The following GRID2 variants were observed in gnomAD, a reference collection of about 807,000 sequenced individuals.
The protein encoded by GRID2 is glutamate receptor ionotropic, delta-2.
GRID2 carries 33 observed loss-of-function variants against 114.8 expected under a neutral mutation model. The observed-to-expected ratio is 0.29, with a 90% CI of 0.22 to 0.38. GRID2 has a LOEUF of 0.38. Ranked by LOEUF, GRID2 falls within the 10% of genes least tolerant of loss-of-function variation. The pLI, the probability that GRID2 is intolerant of heterozygous loss-of-function variation, is 1.00. For missense variants in GRID2, 1,184 were observed against 1,257.7 expected (o/e 0.94, Z 0.89); for synonymous variants, 505 against 449.9 (o/e 1.12, Z -1.55).
intron 1 of GRID2, among the ~76,000 whole-genome samples, chr4:92,305,728 G>A (rs1725366604): frequency 6.6e-6 from 1 of 152,214 alleles, no homozygotes; most frequent in South Asian, 2.1e-4. Flanking sequence ...TCATTATCAT[G>A]CACAGCGCTC....
intron 11 of GRID2, among the ~76,000 whole-genome samples, chr4:93,484,813 A>C (rs1461809878): frequency 1.3e-5 from 2 of 151,900 alleles, no homozygotes; most frequent in Non-Finnish European, 2.9e-5. Context: ...GCCAAACTTA[A>C]AATATGTAAG....
At chr4:93,672,630 G>A (rs1724528895) in intron 14 of GRID2, among the ~76,000 whole-genome samples, 1 of 151,988 alleles carries the variant, frequency 6.6e-6, no homozygotes, top group African/African-American at 2.4e-5. Context: ...TCTAATTTTA[G>A]GACTAATTGT....
At chr4:93,085,547 A>G (rs1578946109) in intron 3 of GRID2, among the ~76,000 whole-genome samples, 1 of 152,184 alleles carries the variant, frequency 6.6e-6, no homozygotes. Flanking sequence ...TCTGATTCCA[A>G]TACATCTTGA....
intron 10 of GRID2, among the ~76,000 whole-genome samples, chr4:93,432,337 G>C (rs1221227893): frequency 6.6e-6 from 1 of 152,178 alleles, no homozygotes; most frequent in Non-Finnish European, 1.5e-5. Context: ...GGAATTAAAT[G>C]AGATGAAAGA....
chr4:92,485,344 ATATAGT>A (rs1386009157), intron 1 of GRID2, among the ~76,000 whole-genome samples: 869 of 59,626 alleles, frequency 0.015, 1 homozygote, highest in Non-Finnish European at 0.019. Flanking sequence ...ATATATATAT[ATATAGT>A]GTGTGTGTGT....
chr4:92,721,792 T>C (rs114097880), intron 2 of GRID2, among the ~76,000 whole-genome samples: 3 of 152,272 alleles, frequency 2.0e-5, no homozygotes, highest in Non-Finnish European at 4.4e-5. Context: ...AAGTTAAGCT[T>C]TAACATCAAG....
Position 92,880,819 on chromosome 4 carries a change from T to G in GRID2, c.245-204176T>G, listed in dbSNP as rs544041464. ...TGGCTACAACCTCTGCCTCCCGGGT[T>G]CAAGTGATTCTACTGCCTCAGCCTC... On this transcript the variant is annotated intron_variant, in intron 2 of 15. Coordinates refer to ENST00000282020, the MANE Select transcript of GRID2 (RefSeq NM_001510.4). Among the ~76,000 whole-genome samples the G allele has an allele frequency of 3.9e-5, 6 of 152,218 alleles. No homozygotes were observed. In the East Asian group the frequency reaches 7.7e-4, roughly 20 times the overall value.
chr4:93,225,869 C>G (rs1173187255), intron 7 of GRID2, among the ~76,000 whole-genome samples: 5 of 152,090 alleles, frequency 3.3e-5, no homozygotes, highest in Non-Finnish European at 7.4e-5. Context: ...AAGTCCAAGA[C>G]CATGGCACCC....
chr4:92,415,587 G>A (rs1731555237), intron 1 of GRID2, among the ~76,000 whole-genome samples: 1 of 151,194 alleles, frequency 6.6e-6, no homozygotes, highest in African/African-American at 2.4e-5. Context: ...CCATTTCTGA[G>A]TTACTTCACT....
At chr4:93,290,272 T>G (rs1422868813) in intron 8 of GRID2, among the ~76,000 whole-genome samples, 1 of 152,208 alleles carries the variant, frequency 6.6e-6, no homozygotes, top group Non-Finnish European at 1.5e-5. Flanking sequence ...TGATTGCTTA[T>G]GAGTGCGTGT....
chr4:92,342,569 C>T (rs996598149), intron 1 of GRID2, among the ~76,000 whole-genome samples: 5 of 152,186 alleles, frequency 3.3e-5, no homozygotes, highest in African/African-American at 9.6e-5. Flanking sequence ...ATAACCTATA[C>T]ATATCAATAG....
intron 2 of GRID2, among the ~76,000 whole-genome samples, chr4:92,655,628 T>C (rs1411485089): frequency 6.6e-6 from 1 of 151,924 alleles, no homozygotes; most frequent in Non-Finnish European, 1.5e-5. Flanking sequence ...TTCTTTTTTT[T>C]TGTAGCCACT....
chr4:93,677,671 G>C (rs1326537471), intron 14 of GRID2, among the ~76,000 whole-genome samples: 1 of 152,072 alleles, frequency 6.6e-6, no homozygotes, highest in Admixed American at 6.5e-5. Context: ...AGGCAAACAG[G>C]GTCTGGAGTG....
At chr4:93,570,556 T>TG (rs1433116240) in intron 13 of GRID2, among the ~76,000 whole-genome samples, 1 of 152,184 alleles carries the variant, frequency 6.6e-6, no homozygotes, top group Non-Finnish European at 1.5e-5. Context: ...GATTCTGCTA[T>TG]GGGTAATGAG....
At chr4:92,479,314 A>G (rs944856249) in intron 1 of GRID2, among the ~76,000 whole-genome samples, 5 of 152,276 alleles carry the variant, frequency 3.3e-5, no homozygotes, top group African/African-American at 1.2e-4. Flanking sequence ...GATTTAGTGT[A>G]CTACAAATGG....
intron 6 of GRID2, 185 bp downstream of exon 6, chr4:93,217,096 A>AT: frequency 2.4e-6 from 1 of 420,662 alleles, no homozygotes; most frequent in East Asian, 3.4e-5. Flanking sequence ...TTTTGATCTC[A>AT]TTATAGAAAA....
chr4:93,591,767 T>C (rs1158900377), intron 13 of GRID2, among the ~76,000 whole-genome samples: 2 of 152,242 alleles, frequency 1.3e-5, no homozygotes, highest in South Asian at 2.1e-4. Flanking sequence ...ATTCAACTTC[T>C]TCCTGGCTTA....
At chr4:93,711,820 A>G (rs1414634253) in intron 14 of GRID2, among the ~76,000 whole-genome samples, 1 of 152,162 alleles carries the variant, frequency 6.6e-6, no homozygotes, top group Non-Finnish European at 1.5e-5. Flanking sequence ...TACCCTCCTC[A>G]GTGCCTCTTT....
chr4:93,690,291 C>A (rs1434597232), intron 14 of GRID2, among the ~76,000 whole-genome samples: 1 of 151,976 alleles, frequency 6.6e-6, no homozygotes, highest in Non-Finnish European at 1.5e-5. Flanking sequence ...AATAAGATAA[C>A]TTCTGAGGCA....
Sources: allele counts gnomAD v4.1 joint callset (sites outside exome capture counted in the v4.1 genomes callset), GRCh38; gene constraint gnomAD v4.1.1; transcripts MANE v1.5; gene names NCBI Gene and HGNC (gene_info 2026-07-23, HGNC 2026-07-21).